The following EPB41L4B variants were observed in gnomAD, a reference collection of about 807,000 sequenced individuals.
EPB41L4B encodes erythrocyte membrane protein band 4.1 like 4B.
Under a neutral mutation model 112.5 loss-of-function variants are expected in EPB41L4B, and 30 were observed. That is an observed-to-expected ratio of 0.27 (90% CI 0.20 to 0.36). The LOEUF (loss-of-function observed/expected upper bound fraction) is 0.36. Among genes scored for constraint, EPB41L4B ranks in the 10% least tolerant of loss-of-function variants. EPB41L4B has a pLI of 1.00. For missense variants in EPB41L4B, 1,024 were observed against 1,133.3 expected, an observed-to-expected ratio of 0.90 and a Z score of 1.38; for synonymous variants, 408 against 439.7, an observed-to-expected ratio of 0.93 and a Z score of 0.90.
At chr9:109,202,292 C>T (rs909598559) in intron 19 of EPB41L4B, among the ~76,000 whole-genome samples, 1 of 152,168 alleles carries the variant, frequency 6.6e-6, no homozygotes, top group Non-Finnish European at 1.5e-5. Flanking sequence ...ACCAAGCACA[C>T]AGATTGGGAA....
chr9:109,281,713 TAAA>T (rs1451763656), intron 1 of EPB41L4B, among the ~76,000 whole-genome samples: 2,720 of 131,386 alleles, frequency 0.021, 62 homozygotes, highest in East Asian at 0.069. Flanking sequence ...AATAAATAAA[TAAA>T]TAAATAAATT....
chr9:109,265,000 C>G lies in EPB41L4B; in HGVS notation c.558G>C (p.Arg186Ser), dbSNP rs764071712. The stretch of plus-strand genomic sequence containing the variant: ...CTTACTTTCCAGAAAGAATGTCATG[C>G]CTGAGTTGTAAAACAAACAGGTACC... ...FTRYLFVLQL[R>S]HDILSGKLKC... The change falls in exon 5 of 26, where the codon AGG becomes AGC. Residue 186 changes from arginine (R) to serine (S), a missense_variant. Physicochemically the swap from Arg to Ser is moderately radical, Grantham distance 110. Coordinates refer to ENST00000374566, the MANE Select transcript of EPB41L4B (RefSeq NM_019114.5). 2 of 1,608,298 alleles carry G rather than the reference C, an allele frequency of 1.2e-6. No individual in the cohort carries two copies. The highest frequency in any genetic ancestry group is 2.2e-5 in the South Asian group (2 of 89,810).
Position 109,279,813 on chromosome 9 carries a change from C to G in EPB41L4B, c.411+4G>C, listed in dbSNP as rs773157448. Reference sequence around the variant, plus strand: ...TTCTGAAATGAATCAAAGCAATAACCTACCGCAACCTGGGCAGAGTCGAGG... The same window carrying G: ...TTCTGAAATGAATCAAAGCAATAACGTACCGCAACCTGGGCAGAGTCGAGG... On this transcript the variant is annotated splice_donor_region_variant and intron_variant, in intron 2 of 25. Coordinates refer to ENST00000374566, the MANE Select transcript of EPB41L4B (RefSeq NM_019114.5). 9.3e-6 allele frequency: 15 copies of G among 1,612,550 alleles called. No individual in the cohort carries two copies. The East Asian group carries it at 2.9e-4, about 31-fold the overall frequency.
chr9:109,247,689 C>A, intron 14 of EPB41L4B, 67 bp downstream of exon 14: 1 of 1,161,842 alleles, frequency 8.6e-7, no homozygotes, highest in African/African-American at 1.6e-5. Context: ...TTTACAAAAA[C>A]CTTTTTTTAA....
chr9:109,285,032 T>C (rs1836217633), intron 1 of EPB41L4B, among the ~76,000 whole-genome samples: 1 of 152,142 alleles, frequency 6.6e-6, no homozygotes, highest in South Asian at 2.1e-4. Context: ...CTTAAGCAAT[T>C]CACAATTTCC....
At chr9:109,185,627 A>G in intron 22 of EPB41L4B, 22 bp from the exon 23 acceptor site, 5 of 1,579,238 alleles carry the variant, frequency 3.2e-6, no homozygotes, top group Non-Finnish European at 4.3e-6. Context: ...GAGAGGAGAG[A>G]AGGGGAGGAG....
At chr9:109,244,434 C>CTT (rs573807379) in intron 14 of EPB41L4B, among the ~76,000 whole-genome samples, 11 of 48,514 alleles carry the variant, frequency 2.3e-4, no homozygotes, top group Non-Finnish European at 3.7e-4. Flanking sequence ...TGAAGGTTGT[C>CTT]TTTTTTTTTT....
chr9:109,217,077 C>T lies in EPB41L4B; in HGVS notation c.1478G>A (p.Gly493Asp). 1 of 1,614,184 alleles carries T rather than the reference C, an allele frequency of 6.2e-7. No homozygotes were observed. The highest frequency in any genetic ancestry group is 8.5e-7 in the Non-Finnish European group (1 of 1,180,042). The part of the protein sequence containing the change: ...RLPFGIEENG[G>D]TPFLTAASGR... ...TGAAGCTGCGGTGAGGAACGGTGTG[C>T]CCCCATTCTCCTCAATGCCAAAAGG... Residue 493 changes from glycine to aspartate, a missense_variant, in exon 16 of 26, where the codon GGC becomes GAC. Physicochemically the swap from Gly to Asp is moderately conservative, Grantham distance 94. Coordinates refer to ENST00000374566, the MANE Select transcript of EPB41L4B (RefSeq NM_019114.5).
intron 13 of EPB41L4B, among the ~76,000 whole-genome samples, chr9:109,250,852 T>G (rs1032551876): frequency 1.3e-5 from 2 of 152,216 alleles, no homozygotes; most frequent in Non-Finnish European, 2.9e-5. Flanking sequence ...AAAGTTTTAT[T>G]GGAATGCAGT....
chr9:109,220,516 G>A (rs1249689382), intron 15 of EPB41L4B, among the ~76,000 whole-genome samples: 1 of 152,240 alleles, frequency 6.6e-6, no homozygotes, highest in African/African-American at 2.4e-5. Flanking sequence ...GGTGGATGGA[G>A]TGAGGTGAAC....
intron 1 of EPB41L4B, among the ~76,000 whole-genome samples, chr9:109,299,274 A>AT (rs1442787374): frequency 2.6e-5 from 4 of 151,976 alleles, no homozygotes; most frequent in Admixed American, 6.6e-5. Context: ...GGCTCTCTAG[A>AT]TTTTTTTGTT....
At chr9:109,272,996 G>C (rs116375748) in intron 2 of EPB41L4B, among the ~76,000 whole-genome samples, 1 of 152,012 alleles carries the variant, frequency 6.6e-6, no homozygotes. Flanking sequence ...TCCACACCAC[G>C]GACTAGCCTA....
chr9:109,233,901 A>G (rs1253282337), intron 15 of EPB41L4B, among the ~76,000 whole-genome samples: 1 of 152,176 alleles, frequency 6.6e-6, no homozygotes, highest in African/African-American at 2.4e-5. Flanking sequence ...CCTCACTATT[A>G]TAAATGCTAA....
intron 2 of EPB41L4B, among the ~76,000 whole-genome samples, chr9:109,275,085 T>G (rs1835762472): frequency 6.6e-6 from 1 of 152,192 alleles, no homozygotes; most frequent in African/African-American, 2.4e-5. Flanking sequence ...TGTTTTGACA[T>G]GGAAAAGGGA....
chr9:109,192,973 C>G (rs1378019893), intron 21 of EPB41L4B, among the ~76,000 whole-genome samples: 1 of 152,174 alleles, frequency 6.6e-6, no homozygotes, highest in Non-Finnish European at 1.5e-5. Flanking sequence ...CTTGCATCCC[C>G]TCCACGCCAC....
intron 19 of EPB41L4B, among the ~76,000 whole-genome samples, chr9:109,200,722 A>G (rs1332450352): frequency 6.6e-6 from 1 of 152,190 alleles, no homozygotes; most frequent in African/African-American, 2.4e-5. Context: ...CCTGTTTTTA[A>G]TTCCAAGTAA....
intron 14 of EPB41L4B, among the ~76,000 whole-genome samples, chr9:109,246,964 T>G (rs150591892): frequency 6.6e-6 from 1 of 152,276 alleles, no homozygotes; most frequent in Non-Finnish European, 1.5e-5. Flanking sequence ...AGGCTAGCGT[T>G]TTTTTAAAAA....
chr9:109,213,477 A>G (rs1269111968), intron 17 of EPB41L4B, among the ~76,000 whole-genome samples: 1 of 152,240 alleles, frequency 6.6e-6, no homozygotes, highest in East Asian at 1.9e-4. Context: ...CTAGCCTGTC[A>G]GGCAAAACAC....
At chr9:109,231,307 T>C (rs1412156525) in intron 15 of EPB41L4B, among the ~76,000 whole-genome samples, 1 of 152,212 alleles carries the variant, frequency 6.6e-6, no homozygotes, top group Non-Finnish European at 1.5e-5. Context: ...CTAGCACAGT[T>C]GATGTATGAA....
Sources: gnomAD v4.1 joint callset for allele counts (sites outside exome capture counted in the v4.1 genomes callset) on GRCh38, gnomAD v4.1.1 for gene constraint, MANE v1.5 for transcripts, NCBI Gene and HGNC (gene_info 2026-07-23, HGNC 2026-07-21) for gene names.